The following TARP variants were observed in gnomAD, a reference collection of about 807,000 sequenced individuals.
At chr7:38,266,221 G>A in the TARP span, among the ~76,000 whole-genome samples, 4 of 151,284 alleles carry the variant, frequency 2.6e-5, no homozygotes, top group Non-Finnish European at 4.4e-5. Context: ...CTGCAATTTC[G>A]TGTACTCCCA....
the TARP span, among the ~76,000 whole-genome samples, chr7:38,266,469 G>A: frequency 6.6e-6 from 1 of 151,788 alleles, no homozygotes; most frequent in Non-Finnish European, 1.5e-5. Context: ...ACCATGCCTG[G>A]CTAATATTTT....
At chr7:38,262,256 G>A in the TARP span, 17 of 1,446,024 alleles carry the variant, frequency 1.2e-5, no homozygotes, top group East Asian at 3.9e-4. Flanking sequence ...AATTGTTCGT[G>A]TGTGTGTGTG....
the TARP span, among the ~76,000 whole-genome samples, chr7:38,272,470 G>A: frequency 4.9e-4 from 70 of 142,536 alleles, no homozygotes; most frequent in Non-Finnish European, 1.0e-3. Flanking sequence ...GCAGTGTGAA[G>A]TGAAAAAGCC....
At chr7:38,267,790 A>T in the TARP span, among the ~76,000 whole-genome samples, 16 of 151,500 alleles carry the variant, frequency 1.1e-4, no homozygotes, top group Non-Finnish European at 1.2e-4. Flanking sequence ...TGTAGTCTCT[A>T]GTCAATATAT....
chr7:38,270,590 T>C, the TARP span, among the ~76,000 whole-genome samples: 1 of 151,756 alleles, frequency 6.6e-6, no homozygotes, highest in Non-Finnish European at 1.5e-5. Flanking sequence ...CTGACTTCTG[T>C]CTAGTTCATG....
At chr7:38,269,107 G>A in the TARP span, among the ~76,000 whole-genome samples, 7 of 151,772 alleles carry the variant, frequency 4.6e-5, no homozygotes, top group East Asian at 1.9e-4. Flanking sequence ...TCCAACACCC[G>A]GGCTCCTTCA....
At chr7:38,269,556 C>T in the TARP span, 5 of 670,218 alleles carry the variant, frequency 7.5e-6, no homozygotes, top group Non-Finnish European at 1.3e-5. Flanking sequence ...TGATTCAGTC[C>T]ATATCAAAAA....
chr7:38,260,687 A>C, the TARP span, among the ~76,000 whole-genome samples: 10 of 152,004 alleles, frequency 6.6e-5, no homozygotes, highest in South Asian at 6.2e-4. Context: ...CTACTCAATG[A>C]GCTACAAGAG....
At chr7:38,273,608 C>T in the TARP span, 79 of 1,597,846 alleles carry the variant, frequency 4.9e-5, no homozygotes, top group African/African-American at 8.0e-5. Context: ...AGCTTTGTTC[C>T]GGGACCAAAT....
At chr7:38,265,362 A>G in the TARP span, 2 of 1,610,342 alleles carry the variant, frequency 1.2e-6, no homozygotes, top group Non-Finnish European at 1.7e-6. Flanking sequence ...TCTTTATTGG[A>G]GGAAAGATAA....
chr7:38,269,113 C>G, the TARP span, among the ~76,000 whole-genome samples: 1 of 151,896 alleles, frequency 6.6e-6, no homozygotes, highest in South Asian at 2.1e-4. Context: ...ACCCGGGCTC[C>G]TTCACAACAA....
At chr7:38,262,456 A>G in the TARP span, among the ~76,000 whole-genome samples, 1 of 151,486 alleles carries the variant, frequency 6.6e-6, no homozygotes, top group Non-Finnish European at 1.5e-5. Context: ...TTTTATCACA[A>G]CTGGAGTGTA....
the TARP span, among the ~76,000 whole-genome samples, chr7:38,270,422 G>A: frequency 2.0e-5 from 3 of 151,348 alleles, no homozygotes; most frequent in South Asian, 2.1e-4. Context: ...CTTACCTACC[G>A]TGTTAAGAAA....
the TARP span, chr7:38,265,686 G>A: frequency 3.8e-6 from 6 of 1,560,392 alleles, no homozygotes; most frequent in East Asian, 1.1e-4. Flanking sequence ...TATCTATGGG[G>A]AGAAATGAAA....
chr7:38,267,892 A>C, the TARP span, among the ~76,000 whole-genome samples: 1 of 151,454 alleles, frequency 6.6e-6, no homozygotes, highest in African/African-American at 2.4e-5. Context: ...TCAAATGATA[A>C]ACTTGGACAT....
At chr7:38,262,270 T>C in the TARP span, 5 of 1,350,810 alleles carry the variant, frequency 3.7e-6, no homozygotes, top group Admixed American at 1.8e-5. Context: ...GTGTGTGTAA[T>C]TAAATGAATA....
At chr7:38,262,337 C>A in the TARP span, 1 of 741,888 alleles carries the variant, frequency 1.3e-6, no homozygotes, top group South Asian at 1.7e-5. Context: ...TATGAGCCCA[C>A]AATTCCAGAA....
the TARP span, among the ~76,000 whole-genome samples, chr7:38,264,112 G>A: frequency 1.3e-5 from 2 of 151,790 alleles, no homozygotes; most frequent in Non-Finnish European, 2.9e-5. Context: ...TGCAAGTGTG[G>A]ACCAGATTAG....
chr7:38,269,506 T>C, the TARP span: 3 of 714,170 alleles, frequency 4.2e-6, no homozygotes, highest in Admixed American at 6.0e-5. Context: ...ACAACAAGTG[T>C]TGTTCCACTG....
Sources: gnomAD v4.1 joint callset for allele counts (sites outside exome capture counted in the v4.1 genomes callset) on GRCh38, gnomAD v4.1.1 for gene constraint, MANE v1.5 for transcripts.